The following MOSMO variants were observed in gnomAD, a reference collection of about 807,000 sequenced individuals.
MOSMO encodes modulator of smoothened protein.
In MOSMO, 5 loss-of-function variants were observed where a neutral mutation model predicts 18.4. The observed-to-expected ratio is 0.27, with a 90% CI of 0.14 to 0.57. MOSMO has a LOEUF of 0.57. MOSMO is among the 20% of genes least tolerant of loss of function. The pLI is 0.92. For synonymous variants in MOSMO, 82 were observed against 82.3 expected, an observed-to-expected ratio of 1.00 and a Z score of 0.02; for missense variants, 138 against 211.8, an observed-to-expected ratio of 0.65 and a Z score of 2.16.
At chr16:22,070,662 CTT>C (rs1047340197) in intron 1 of MOSMO, among the ~76,000 whole-genome samples, 1 of 151,420 alleles carries the variant, frequency 6.6e-6, no homozygotes. Context: ...CCTGTTCACT[CTT>C]TTTTTTTGGC....
chr16:22,008,647 C>G (rs1466911006), intron 1 of MOSMO, among the ~76,000 whole-genome samples: 2 of 151,382 alleles, frequency 1.3e-5, no homozygotes, highest in South Asian at 2.1e-4. Flanking sequence ...GAAAAGTGGC[C>G]GAGGAGACCT....
intron 1 of MOSMO, among the ~76,000 whole-genome samples, chr16:22,009,804 C>CAAAAAAAAAAAAAAAAAAAAAAAA (rs56313303): frequency 2.8e-5 from 1 of 35,962 alleles, no homozygotes; most frequent in East Asian, 1.3e-3. Flanking sequence ...ACTAAAAATA[C>CAAAAAAAAAAAAAAAAAAAAAAAA]AAAAAAAAAA....
chr16:22,035,319 C>A (rs1900085990), intron 1 of MOSMO, among the ~76,000 whole-genome samples: 1 of 151,714 alleles, frequency 6.6e-6, no homozygotes, highest in South Asian at 2.1e-4. Flanking sequence ...TTCAGGCACG[C>A]CTTGTTGAAA....
chr16:22,073,553 T>G (rs1475319807), intron 1 of MOSMO, among the ~76,000 whole-genome samples: 62 of 152,008 alleles, frequency 4.1e-4, no homozygotes, highest in Admixed American at 4.1e-3. Context: ...AAGTTTTTTT[T>G]TTTTTGTTTT....
In MOSMO at chr16:22,014,704, G is replaced by A. The variant is rs8053124; in HGVS notation, c.106+6297G>A. On this transcript the variant is annotated intron_variant, in intron 1 of 2. Coordinates refer to ENST00000542527, the MANE Select transcript of MOSMO (RefSeq NM_001164579.2). ...CCCTGGAACTGTAACAACTTCAAAG[G>A]TCACAAAGGTACTTTGACATGAAAG... Among the ~76,000 whole-genome samples, 9 of 152,202 alleles carry A rather than the reference G, an allele frequency of 5.9e-5. No homozygotes were observed. In the East Asian group the frequency reaches 1.2e-3, roughly 20 times the overall value.
At chr16:22,047,219 A>G (rs1400621629) in intron 1 of MOSMO, among the ~76,000 whole-genome samples, 2 of 141,386 alleles carry the variant, frequency 1.4e-5, no homozygotes, top group African/African-American at 5.2e-5. Flanking sequence ...TTAGTATTCT[A>G]TACTGTTTAT....
intron 1 of MOSMO, among the ~76,000 whole-genome samples, chr16:22,060,415 T>C (rs933870388): frequency 3.3e-5 from 5 of 152,212 alleles, no homozygotes; most frequent in African/African-American, 1.2e-4. Flanking sequence ...CATGAACATA[T>C]GTTCTATATC....
At chr16:22,061,596 A>G (rs1042369416) in intron 1 of MOSMO, among the ~76,000 whole-genome samples, 21 of 152,208 alleles carry the variant, frequency 1.4e-4, no homozygotes, top group Non-Finnish European at 7.3e-5. Flanking sequence ...TACATCCTAC[A>G]GTGTATTGCA....
chr16:22,016,138 T>C (rs1304328159), intron 1 of MOSMO, among the ~76,000 whole-genome samples: 3 of 152,188 alleles, frequency 2.0e-5, no homozygotes, highest in Non-Finnish European at 2.9e-5. Flanking sequence ...GTAAAATGGT[T>C]CTGTAGGATT....
chr16:22,050,116 A>C (rs563932036), intron 1 of MOSMO, among the ~76,000 whole-genome samples: 1 of 152,294 alleles, frequency 6.6e-6, no homozygotes, highest in African/African-American at 2.4e-5. Context: ...ATTGACTTGG[A>C]TCCTGCCTGG....
At chr16:22,034,105 A>G (rs1368443845) in intron 1 of MOSMO, among the ~76,000 whole-genome samples, 1 of 152,200 alleles carries the variant, frequency 6.6e-6, no homozygotes, top group Non-Finnish European at 1.5e-5. Flanking sequence ...TATACCACTT[A>G]ACAAGTAGTA....
At chr16:22,078,135 T>A (rs895150285) in intron 2 of MOSMO, among the ~76,000 whole-genome samples, 1 of 152,088 alleles carries the variant, frequency 6.6e-6, no homozygotes, top group Admixed American at 6.5e-5. Flanking sequence ...TGTTCTTTCC[T>A]TTGCCACCCT....
intron 1 of MOSMO, among the ~76,000 whole-genome samples, chr16:22,011,641 G>A (rs1567497323): frequency 6.6e-6 from 1 of 152,152 alleles, no homozygotes; most frequent in African/African-American, 2.4e-5. Flanking sequence ...CAGTGACAAT[G>A]TGTGGCTGAT....
chr16:22,025,956 C>A (rs1257449119), intron 1 of MOSMO, among the ~76,000 whole-genome samples: 1 of 152,110 alleles, frequency 6.6e-6, no homozygotes, highest in Non-Finnish European at 1.5e-5. Flanking sequence ...AACTTAGTAA[C>A]CATTTGAACC....
Position 22,080,982 on chromosome 16 carries a change from T to C in MOSMO, c.*102T>C. ...AAGGCGAGGCATCTGAGCAGGCCTC[T>C]CATGGGAAGATGCTCAGATGAAACT... On this transcript the variant is annotated 3_prime_UTR_variant, in exon 3 of 3. Transcript: ENST00000542527. 2.1e-6 allele frequency: 1 copy of C among 476,120 alleles called. No homozygotes were observed. The highest frequency in any genetic ancestry group is 2.0e-5 in the African/African-American group (1 of 49,878). 29.5% of individuals were successfully genotyped at this position (476,120 alleles called of 1,614,324 possible).
At chr16:22,012,691 C>G (rs534819168) in intron 1 of MOSMO, among the ~76,000 whole-genome samples, 2 of 148,538 alleles carry the variant, frequency 1.3e-5, no homozygotes, top group African/African-American at 5.0e-5. Context: ...TCTCTCCATA[C>G]TCTAATCTCT....
At position 22,032,899 on chromosome 16, in the gene MOSMO, A is replaced by C. The variant is rs1485563094; in HGVS notation, c.106+24492A>C. On this transcript the variant is annotated intron_variant, in intron 1 of 2. Coordinates refer to ENST00000542527, the MANE Select transcript of MOSMO (RefSeq NM_001164579.2). ...TAGGGGTCCAAACTCATTCTTTTGC[A>C]TGTGAATATCCAATTGTCCCACTGC... 2.6e-5 allele frequency among the ~76,000 whole-genome samples: 4 copies of C among 152,268 alleles called. No individual in the cohort carries two copies. In the South Asian group the frequency reaches 8.3e-4, roughly 32 times the overall value.
In MOSMO at chr16:22,024,519, A is replaced by G. The variant is rs370069989; in HGVS notation, c.106+16112A>G. ...AGCTGGGACTATATAGGCTTATGCC[A>G]CCACACCCAGCTAATTTTCGTATTT... On this transcript the variant is annotated intron_variant, in intron 1 of 2. Transcript: ENST00000542527. Among the ~76,000 whole-genome samples, 13 of 151,966 alleles carry G rather than the reference A, an allele frequency of 8.6e-5. No homozygotes were observed. In the East Asian group the frequency reaches 2.3e-3, roughly 27 times the overall value.
At chr16:22,079,535 G>A (rs1161369668) in intron 2 of MOSMO, among the ~76,000 whole-genome samples, 3 of 152,114 alleles carry the variant, frequency 2.0e-5, no homozygotes, top group South Asian at 4.1e-4. Flanking sequence ...ACTTTTACCC[G>A]GACATTGGGT....
Sources: allele counts gnomAD v4.1 joint callset (sites outside exome capture counted in the v4.1 genomes callset), GRCh38; gene constraint gnomAD v4.1.1; transcripts MANE v1.5; gene names NCBI Gene and HGNC (gene_info 2026-07-23, HGNC 2026-07-21).